The following PRELID2 variants were observed in gnomAD, a reference collection of about 807,000 sequenced individuals.
The protein encoded by PRELID2 is PRELI domain containing 2, also known as PRELI domain-containing protein 2.
In PRELID2, 25 loss-of-function variants were observed where a neutral mutation model predicts 28.4. The ratio of observed to expected loss-of-function variants is 0.88; its 90% CI spans 0.64 to 1.23. The LOEUF is 1.23. Ranked by LOEUF, PRELID2 falls within the 50% of genes most tolerant of loss-of-function variation. PRELID2 has a pLI of 0.00. For missense variants in PRELID2, 201 were observed against 214.4 expected, an observed-to-expected ratio of 0.94 and a Z score of 0.39; for synonymous variants, 76 against 71.6, an observed-to-expected ratio of 1.06 and a Z score of -0.31.
the PRELID2 span, among the ~76,000 whole-genome samples, chr5:145,263,783 T>C: frequency 6.7e-6 from 1 of 150,338 alleles, no homozygotes; most frequent in African/African-American, 2.5e-5. Context: ...CTAGATTAAG[T>C]CAGGAAACAA....
the PRELID2 span, among the ~76,000 whole-genome samples, chr5:145,381,162 A>T: frequency 6.6e-6 from 1 of 152,176 alleles, no homozygotes; most frequent in South Asian, 2.1e-4. Context: ...AATAAATTCA[A>T]CTCTTAAAAG....
chr5:145,660,011 T>G (rs1754463623), intron 1 of PRELID2, among the ~76,000 whole-genome samples: 1 of 152,196 alleles, frequency 6.6e-6, no homozygotes, highest in Non-Finnish European at 1.5e-5. Context: ...TACCGTATAT[T>G]GAGCTACAGT....
chr5:145,749,099 T>G (rs556187627), intron 1 of PRELID2, among the ~76,000 whole-genome samples: 350 of 152,078 alleles, frequency 2.3e-3, no homozygotes, highest in Non-Finnish European at 3.9e-3. Context: ...CAAAATCAAT[T>G]GCAACAAAAG....
intron 1 of PRELID2, among the ~76,000 whole-genome samples, chr5:145,588,962 A>T (rs768823645): frequency 5.3e-5 from 8 of 152,168 alleles, no homozygotes; most frequent in Non-Finnish European, 1.0e-4. Context: ...TAGAGAAGAT[A>T]AATAAGAAAA....
At chr5:145,590,781 G>A (rs1753215641) in intron 1 of PRELID2, among the ~76,000 whole-genome samples, 1 of 151,898 alleles carries the variant, frequency 6.6e-6, no homozygotes, top group Non-Finnish European at 1.5e-5. Flanking sequence ...TCCATTTTAT[G>A]TCCCATCCCG....
At chr5:145,437,801 T>G in the PRELID2 span, among the ~76,000 whole-genome samples, 31 of 152,220 alleles carry the variant, frequency 2.0e-4, no homozygotes, top group African/African-American at 7.2e-4. Flanking sequence ...GGATCAGGTG[T>G]GAGAACTCAT....
At chr5:145,260,612 A>G in the PRELID2 span, among the ~76,000 whole-genome samples, 1 of 152,228 alleles carries the variant, frequency 6.6e-6, no homozygotes, top group Middle Eastern at 3.2e-3. Flanking sequence ...GTGTGTATTT[A>G]TGAACTACAT....
At chr5:145,330,687 G>A in the PRELID2 span, among the ~76,000 whole-genome samples, 1 of 152,088 alleles carries the variant, frequency 6.6e-6, no homozygotes, top group African/African-American at 2.4e-5. Context: ...AGGCTGGCTA[G>A]TGGTCTATCT....
At chr5:145,445,971 T>C in the PRELID2 span, among the ~76,000 whole-genome samples, 1 of 151,926 alleles carries the variant, frequency 6.6e-6, no homozygotes, top group Non-Finnish European at 1.5e-5. Flanking sequence ...TACTAGAAGC[T>C]GAGAAGGGTG....
At chr5:145,445,145 AG>A in the PRELID2 span, among the ~76,000 whole-genome samples, 2 of 152,072 alleles carry the variant, frequency 1.3e-5, no homozygotes, top group African/African-American at 4.8e-5. Context: ...ACAAATTTGT[AG>A]TAAACAAAAG....
At chr5:145,229,046 G>C in the PRELID2 span, 1 of 1,598,284 alleles carries the variant, frequency 6.3e-7, no homozygotes. Context: ...CGGCCATCCA[G>C]TCCAGCGCAC....
chr5:145,264,569 C>G, the PRELID2 span, among the ~76,000 whole-genome samples: 80 of 152,184 alleles, frequency 5.3e-4, no homozygotes, highest in African/African-American at 1.9e-3. Context: ...AGCAACCCCC[C>G]AGAGAACTTC....
intron 4 of PRELID2, among the ~76,000 whole-genome samples, chr5:145,814,555 A>G (rs1561640676): frequency 6.6e-6 from 1 of 152,182 alleles, no homozygotes; most frequent in Non-Finnish European, 1.5e-5. Context: ...TCACTACAGG[A>G]CCAAAGTTAT....
chr5:145,368,716 TTAA>T, the PRELID2 span, among the ~76,000 whole-genome samples: 1 of 152,036 alleles, frequency 6.6e-6, no homozygotes, highest in Non-Finnish European at 1.5e-5. Flanking sequence ...TTTTTATTTC[TTAA>T]TAATAGGCTT....
the PRELID2 span, among the ~76,000 whole-genome samples, chr5:145,357,248 G>T: frequency 6.6e-6 from 1 of 152,156 alleles, no homozygotes; most frequent in African/African-American, 2.4e-5. Context: ...ATCTCACAGA[G>T]GTTCTCTGCA....
chr5:145,262,170 T>A, the PRELID2 span, among the ~76,000 whole-genome samples: 47 of 151,758 alleles, frequency 3.1e-4, no homozygotes, highest in Non-Finnish European at 5.9e-5. Context: ...TTTTAGAAAA[T>A]GAACAAAGCC....
chr5:145,385,021 T>A, the PRELID2 span, among the ~76,000 whole-genome samples: 1 of 152,170 alleles, frequency 6.6e-6, no homozygotes. Context: ...TTCTGATGAC[T>A]GGAAGGTACA....
chr5:145,542,661 G>C (rs1198838930), intron 1 of PRELID2, among the ~76,000 whole-genome samples: 1 of 152,068 alleles, frequency 6.6e-6, no homozygotes, highest in African/African-American at 2.4e-5. Flanking sequence ...TTGATTTGTT[G>C]AAACTGACCT....
chr5:145,330,560 T>C, the PRELID2 span, among the ~76,000 whole-genome samples: 3 of 152,212 alleles, frequency 2.0e-5, no homozygotes, highest in East Asian at 1.9e-4. Flanking sequence ...TTTATTTGCA[T>C]AGAGATGTTT....
Sources: gnomAD v4.1 joint callset for allele counts (sites outside exome capture counted in the v4.1 genomes callset) on GRCh38, gnomAD v4.1.1 for gene constraint, MANE v1.5 for transcripts, NCBI Gene and HGNC (gene_info 2026-07-23, HGNC 2026-07-21) for gene names.